The following CGNL1 variants were observed in gnomAD, a reference collection of about 807,000 sequenced individuals.
CGNL1 encodes cingulin-like protein 1.
CGNL1 carries 132 observed loss-of-function variants against 141.2 expected under a neutral mutation model. The ratio of observed to expected loss-of-function variants is 0.93; its 90% confidence interval spans 0.81 to 1.08. CGNL1 has a LOEUF of 1.08. CGNL1 is among the 50% of genes least tolerant of loss of function. The probability of loss-of-function intolerance (pLI) is 0.00; values close to 1 mark genes in which losing one functional copy is unlikely to be tolerated. For synonymous variants in CGNL1, 690 were observed against 622.1 expected, an observed-to-expected ratio of 1.11 and a Z score of -1.63; for missense variants, 1,870 against 1,588.6, an observed-to-expected ratio of 1.18 and a Z score of -3.01.
intron 1 of CGNL1, among the ~76,000 whole-genome samples, chr15:57,401,726 A>G (rs1430652519): frequency 6.6e-6 from 1 of 152,176 alleles, no homozygotes; most frequent in Non-Finnish European, 1.5e-5. Flanking sequence ...CTTATGACGC[A>G]TTCTGTGGTA....
At chr15:57,450,194 A>G (rs969533955) in intron 4 of CGNL1, among the ~76,000 whole-genome samples, 24 of 152,040 alleles carry the variant, frequency 1.6e-4, no homozygotes, top group African/African-American at 5.8e-4. Context: ...AGTTTCTGTT[A>G]CTCCACATCC....
chr15:57,545,524 C>A, intron 16 of CGNL1, 68 bp from the exon 17 acceptor site: 1 of 1,444,430 alleles, frequency 6.9e-7, no homozygotes, highest in Non-Finnish European at 9.5e-7. Context: ...CCCTCCTCCA[C>A]AGCCTAGGCT....
At chr15:57,418,942 T>A (rs71478625) in intron 1 of CGNL1, among the ~76,000 whole-genome samples, 30,221 of 151,732 alleles carry the variant, frequency 0.2, 3,343 homozygotes, top group Middle Eastern at 0.26. Flanking sequence ...CCTTTTTTTT[T>A]TTTGAGACAG....
chr15:57,531,746 G>T lies in CGNL1; in HGVS notation c.3258G>T (p.Leu1086Phe), dbSNP rs139590907. ...ELEEERNNSD[L>F]LSERISRSRE... ...AAGAAGAGAGAAACAACTCAGATTT[G>T]CTGTCTGAGAGGATCAGTAGGAGCA... Residue 1086 changes from leucine to phenylalanine, a missense_variant, in exon 14 of 19, where the codon TTG (leucine) becomes TTT (phenylalanine). Coordinates refer to ENST00000281282, the MANE Select transcript of CGNL1 (RefSeq NM_032866.5). 1.6e-5 allele frequency: 26 copies of T among 1,611,906 alleles called. No homozygotes were observed. The highest frequency in any genetic ancestry group is 2.7e-5 in the African/African-American group (2 of 74,862).
intron 1 of CGNL1, among the ~76,000 whole-genome samples, chr15:57,416,559 C>T (rs1278598117): frequency 6.6e-6 from 1 of 152,180 alleles, no homozygotes; most frequent in African/African-American, 2.4e-5. Context: ...AGCCATCTTG[C>T]TTCTGTTTTG....
intron 14 of CGNL1, among the ~76,000 whole-genome samples, chr15:57,536,055 T>G (rs1408232869): frequency 6.6e-6 from 1 of 152,150 alleles, no homozygotes; most frequent in Non-Finnish European, 1.5e-5. Flanking sequence ...GACTCACAGT[T>G]CAGCATGGCT....
intron 8 of CGNL1, among the ~76,000 whole-genome samples, chr15:57,469,814 C>G (rs537078361): frequency 6.6e-6 from 1 of 152,220 alleles, no homozygotes; most frequent in Non-Finnish European, 1.5e-5. Flanking sequence ...GTTTTGGTAC[C>G]GTGTTCCCAC....
chr15:57,385,664 G>A (rs1258032368), intron 1 of CGNL1, among the ~76,000 whole-genome samples: 1 of 152,178 alleles, frequency 6.6e-6, no homozygotes, highest in Non-Finnish European at 1.5e-5. Flanking sequence ...TAAAATAGAT[G>A]TAATGCCTAC....
chr15:57,406,732 T>A (rs1015979079), intron 1 of CGNL1, among the ~76,000 whole-genome samples: 1 of 152,208 alleles, frequency 6.6e-6, no homozygotes, highest in Non-Finnish European at 1.5e-5. Context: ...GTAATCAAAC[T>A]TACATAAGTA....
Position 57,439,095 on chromosome 15 carries a change from C to T in CGNL1, c.1096C>T (p.Leu366Phe), listed in dbSNP as rs144676801. The change falls in exon 2 of 19, where the codon CTT (leucine) becomes TTT (phenylalanine). Residue 366 changes from leucine (L) to phenylalanine (F), a missense_variant. By Grantham distance (22) the Leu-to-Phe change is conservative. Transcript: ENST00000281282. ...LIEKFDQKPG[L>F]QRRGRSGKRN... ...TGAAAAATTTGATCAAAAACCTGGGCTTCAGAGAAGAGGAAGGTCTGGGAA... is the reference window on the plus strand; with the variant it reads ...TGAAAAATTTGATCAAAAACCTGGGTTTCAGAGAAGAGGAAGGTCTGGGAA... The T allele has an allele frequency of 2.1e-3, 3,379 of 1,614,172 alleles. 10 individuals are homozygous for T. The highest frequency in any genetic ancestry group is 6.3e-3 in the Middle Eastern group (38 of 6,062).
chr15:57,480,510 A>G (rs2063712147), intron 8 of CGNL1, among the ~76,000 whole-genome samples: 1 of 151,866 alleles, frequency 6.6e-6, no homozygotes, highest in Non-Finnish European at 1.5e-5. Flanking sequence ...ACAGAGTGAG[A>G]CTCTGTCTCA....
intron 9 of CGNL1, among the ~76,000 whole-genome samples, 160 bp from the exon 10 acceptor site, chr15:57,518,233 A>T (rs1354451614): frequency 6.6e-6 from 1 of 152,220 alleles, no homozygotes; most frequent in Non-Finnish European, 1.5e-5. Context: ...GCATCCAAGA[A>T]CACGGCTGTT....
intron 4 of CGNL1, among the ~76,000 whole-genome samples, chr15:57,447,770 T>A (rs1429399707): frequency 6.6e-6 from 1 of 151,782 alleles, no homozygotes; most frequent in African/African-American, 2.4e-5. Flanking sequence ...TTGATGGTGT[T>A]CCTCATATCT....
intron 14 of CGNL1, among the ~76,000 whole-genome samples, chr15:57,541,442 C>A (rs1324076514): frequency 1.3e-5 from 2 of 152,206 alleles, no homozygotes; most frequent in Non-Finnish European, 2.9e-5. Context: ...ATTCCCCTTG[C>A]ACTTTGTGCT....
At chr15:57,426,882 C>T (rs1039804813) in intron 1 of CGNL1, among the ~76,000 whole-genome samples, 1 of 152,056 alleles carries the variant, frequency 6.6e-6, no homozygotes, top group Non-Finnish European at 1.5e-5. Flanking sequence ...CTAACAGAGC[C>T]ATCTATATAG....
At chr15:57,468,559 CGT>C (rs67758921) in intron 8 of CGNL1, among the ~76,000 whole-genome samples, 27,648 of 145,558 alleles carry the variant, frequency 0.19, 2,649 homozygotes, top group African/African-American at 0.25. Context: ...AAAAAGTTTG[CGT>C]GTGTGTGTGT....
rs11298152 is a variant in CGNL1 at position 57,481,064 on chromosome 15, GTT to G, written c.2403+19193_2403+19194del. 5.7e-3 allele frequency among the ~76,000 whole-genome samples: 659 copies of G among 116,076 alleles called. 10 individuals are homozygous for G. Among genetic ancestry groups the G allele is most frequent in the African/African-American group, 0.017 (534 of 31,966 alleles). 76.2% of individuals were successfully genotyped at this position (116,076 alleles called of 152,430 possible). On this transcript the variant is annotated intron_variant, in intron 8 of 18. Coordinates refer to ENST00000281282, the MANE Select transcript of CGNL1 (RefSeq NM_032866.5). ...GCCAGTGATCCAGGAAAGACCTGGG[GTT>G]TTTTTTTTTTTTTTTTTTTTAAAGA...
chr15:57,473,369 T>C (rs1164844502), intron 8 of CGNL1, among the ~76,000 whole-genome samples: 2 of 152,244 alleles, frequency 1.3e-5, no homozygotes, highest in African/African-American at 2.4e-5. Flanking sequence ...AAGCAGAAAA[T>C]GGAATATGTC....
At chr15:57,405,406 C>G (rs1533158) in intron 1 of CGNL1, among the ~76,000 whole-genome samples, 38,756 of 152,134 alleles carry the variant, frequency 0.25, 5,070 homozygotes, top group Middle Eastern at 0.29. Context: ...GTGCTGCTCC[C>G]GATTTGGGAG....
Sources: allele counts gnomAD v4.1 joint callset (sites outside exome capture counted in the v4.1 genomes callset), GRCh38; gene constraint gnomAD v4.1.1; transcripts MANE v1.5; gene names NCBI Gene and HGNC (gene_info 2026-07-23, HGNC 2026-07-21).